Variants in INKA2 observed in about 807,000 individuals in gnomAD.
The protein encoded by INKA2 is inka box actin regulator 2, also known as PAK4-inhibitor INKA2.
Under a neutral mutation model 9.8 loss-of-function variants are expected in INKA2, and 3 were observed. That is an observed-to-expected ratio of 0.31 (90% CI 0.14 to 0.79). The LOEUF (loss-of-function observed/expected upper bound fraction) is 0.79, where lower values mean the gene tolerates loss of function less well. INKA2 is among the 30% of genes least tolerant of loss of function. The probability of loss-of-function intolerance (pLI) is 0.62; values close to 1 mark genes in which losing one functional copy is unlikely to be tolerated. For synonymous variants in INKA2, 147 were observed against 143.3 expected (o/e 1.03, Z -0.18); for missense variants, 392 against 384.4 (o/e 1.02, Z -0.17).
intron 1 of INKA2, among the ~76,000 whole-genome samples, chr1:111,731,840 G>T (rs984383600): frequency 6.6e-6 from 1 of 152,194 alleles, no homozygotes; most frequent in Non-Finnish European, 1.5e-5. Flanking sequence ...ACATAGTAAT[G>T]ACAGGGTTCC....
At chr1:111,739,558 C>T (rs1017190744), upstream of INKA2, 1 of 614,068 alleles carries the variant, frequency 1.6e-6, no homozygotes. Flanking sequence ...TGCACAGGAC[C>T]CGGGCGCAGC....
chr1:111,747,058 C>T (rs1663290226), intron 1 of INKA2: 1 of 152,236 alleles, frequency 6.6e-6, no homozygotes, highest in Non-Finnish European at 1.5e-5. Context: ...GTGACCTGCC[C>T]TAGGTCACCC....
At chr1:111,730,964 T>C (rs1015033821) in intron 1 of INKA2, among the ~76,000 whole-genome samples, 2 of 152,108 alleles carry the variant, frequency 1.3e-5, no homozygotes, top group Non-Finnish European at 2.9e-5. Flanking sequence ...CTTCCCAAGG[T>C]TTCGTTTCAC....
rs1264524014 is a variant in INKA2, at chr1:111,722,846, A to G, written c.*4122T>C. ...CTTAAGCACTTTTGCCTTGGGTCAC[A>G]TGGTTAGTGCCTCTACTAAGGGGAT... On this transcript the variant is annotated 3_prime_UTR_variant, in exon 2 of 2. Transcript: ENST00000357260. The G allele has an allele frequency of 2.1e-6, 1 of 478,162 alleles. No individual in the cohort carries two copies. Among genetic ancestry groups the G allele is most frequent in the African/African-American group, 2.0e-5 (1 of 49,320 alleles). 29.6% of individuals were successfully genotyped at this position (478,162 alleles called of 1,614,324 possible).
At chr1:111,736,602 C>T (rs1190838582) in intron 1 of INKA2, among the ~76,000 whole-genome samples, 2 of 152,170 alleles carry the variant, frequency 1.3e-5, no homozygotes, top group Non-Finnish European at 2.9e-5. Flanking sequence ...AGAACTTGAC[C>T]AGTATTACAG....
chr1:111,739,511 C>T, upstream of INKA2: 4 of 1,162,718 alleles, frequency 3.4e-6, no homozygotes, highest in Non-Finnish European at 4.6e-6. Context: ...GCCGGGAGGC[C>T]GGGCTGGGCG....
rs528998223 is a variant in INKA2 at position 111,723,070 on chromosome 1, A to C, written c.*3898T>G. On this transcript the variant is annotated 3_prime_UTR_variant, in exon 2 of 2. Coordinates refer to ENST00000357260, the MANE Select transcript of INKA2 (RefSeq NM_019099.5). ...GCTCTCAAATCTTAACTCCAAGTCT[A>C]GTGCTCATACCATGGTGCTGGCAGA... is the stretch of plus-strand genomic sequence containing the variant. The C allele has an allele frequency of 2.8e-6, 2 of 702,012 alleles. No individual in the cohort carries two copies. The highest frequency in any genetic ancestry group is 5.2e-6 in the Non-Finnish European group (2 of 384,694). 43.5% of individuals were successfully genotyped at this position (702,012 alleles called of 1,614,324 possible). A position where few individuals can be genotyped will look rare whatever the true frequency, so the allele number is the denominator to read the frequency against.
At chr1:111,752,353 A>C (rs992349619) in intron 1 of INKA2, among the ~76,000 whole-genome samples, 2 of 152,234 alleles carry the variant, frequency 1.3e-5, no homozygotes, top group Non-Finnish European at 2.9e-5. Flanking sequence ...CCTTGACTTC[A>C]GTAGCACCCT....
chr1:111,754,816 G>A (rs920251881), intron 1 of INKA2: 2 of 152,232 alleles, frequency 1.3e-5, no homozygotes, highest in African/African-American at 4.8e-5. Flanking sequence ...AGGAGAACAA[G>A]ACAGAATAGG....
Position 111,727,499 on chromosome 1 carries a change from C to A in INKA2, c.363G>T (p.Arg121Ser), listed in dbSNP as rs376399692. ...GAGCACAGCTTTGATGTGGCTGTGTCCTGGGCAAGGGGGCTAAATCCCTTC... is the reference window on the plus strand; with the variant it reads ...GAGCACAGCTTTGATGTGGCTGTGTACTGGGCAAGGGGGCTAAATCCCTTC... ...VCGRDLAPLPRTQPHQSCAQQ... is the reference protein window; with the variant it reads ...VCGRDLAPLPSTQPHQSCAQQ... The change falls in exon 2 of 2, where the codon AGG becomes AGT. Residue 121 changes from arginine (R) to serine (S), a missense_variant. Transcript: ENST00000357260. 10 of 1,614,214 alleles carry A rather than the reference C, an allele frequency of 6.2e-6. No homozygotes were observed. Among genetic ancestry groups the A allele is most frequent in the Non-Finnish European group, 8.5e-6 (10 of 1,180,038 alleles).
intron 1 of INKA2, among the ~76,000 whole-genome samples, chr1:111,736,010 C>T (rs1389962450): frequency 6.6e-6 from 1 of 152,232 alleles, no homozygotes; most frequent in African/African-American, 2.4e-5. Flanking sequence ...GAGCATCGTA[C>T]ATCTGCCTCC....
At chr1:111,746,546 C>A (rs1187142795) in intron 1 of INKA2, 1 of 152,208 alleles carries the variant, frequency 6.6e-6, no homozygotes, top group African/African-American at 2.4e-5. Flanking sequence ...AAATAACTTG[C>A]ATCTTAATCT....
At chr1:111,732,326 G>T (rs901463672) in intron 1 of INKA2, among the ~76,000 whole-genome samples, 1 of 152,174 alleles carries the variant, frequency 6.6e-6, no homozygotes, top group Non-Finnish European at 1.5e-5. Context: ...TAGAGGAAAG[G>T]AGAGGGGCCA....
intron 1 of INKA2, among the ~76,000 whole-genome samples, chr1:111,733,810 G>T (rs1254141128): frequency 1.3e-5 from 2 of 152,162 alleles, no homozygotes; most frequent in Non-Finnish European, 2.9e-5. Flanking sequence ...ACCCTCCCCT[G>T]GGCCCCGACT....
chr1:111,747,667 T>C (rs1194512122), intron 1 of INKA2: 1 of 152,246 alleles, frequency 6.6e-6, no homozygotes, highest in African/African-American at 2.4e-5. Context: ...GTAATCAGTG[T>C]GCACCACATT....
At chr1:111,755,681 GGCCACAGGCA>G in intron 1 of INKA2, 1 of 1,613,486 alleles carries the variant, frequency 6.2e-7, no homozygotes, top group Non-Finnish European at 8.5e-7. Context: ...GCCCTCTGCA[GGCCACAGGCA>G]GCGACTCACC....
At chr1:111,747,589 G>A (rs1401145254) in intron 1 of INKA2, 1 of 152,334 alleles carries the variant, frequency 6.6e-6, no homozygotes, top group African/African-American at 2.4e-5. Flanking sequence ...ATTTACTGGT[G>A]TGCACCCTGG....
At chr1:111,753,219 T>A (rs2101404825) in intron 1 of INKA2, 2 of 152,310 alleles carry the variant, frequency 1.3e-5, no homozygotes, top group South Asian at 4.1e-4. Context: ...GCATCTGGGC[T>A]AGTTGGGTCT....
intron 1 of INKA2, among the ~76,000 whole-genome samples, chr1:111,728,905 T>TTTTTTG (rs1662847666): frequency 6.8e-6 from 1 of 147,114 alleles, no homozygotes; most frequent in Non-Finnish European, 1.5e-5. Context: ...GAGCTAGGCT[T>TTTTTTG]TTTTTTTTTT....
Sources: allele counts gnomAD v4.1 joint callset (sites outside exome capture counted in the v4.1 genomes callset), GRCh38; gene constraint gnomAD v4.1.1; transcripts MANE v1.5; gene names NCBI Gene and HGNC (gene_info 2026-07-23, HGNC 2026-07-21).